The following UBL3 variants were observed in gnomAD, a reference collection of about 807,000 sequenced individuals.
The protein encoded by UBL3 is ubiquitin-like protein 3.
Under a neutral mutation model 18.4 loss-of-function variants are expected in UBL3, and 6 were observed. That is an observed-to-expected ratio of 0.33 (90% CI 0.18 to 0.64). The LOEUF is 0.64. UBL3 is among the 30% of genes least tolerant of loss of function. The pLI, the probability that UBL3 is intolerant of heterozygous loss-of-function variation, is 0.76. For synonymous variants in UBL3, 49 were observed against 46.6 expected (o/e 1.05, Z -0.21); for missense variants, 109 against 142.9 (o/e 0.76, Z 1.21).
At chr13:29,784,471 G>C (rs1483432358) in intron 1 of UBL3, among the ~76,000 whole-genome samples, 1 of 151,804 alleles carries the variant, frequency 6.6e-6, no homozygotes, top group Non-Finnish European at 1.5e-5. Flanking sequence ...AGCACCCTTT[G>C]CCTTTCTACT....
intron 1 of UBL3, among the ~76,000 whole-genome samples, chr13:29,842,743 A>AT (rs11450824): frequency 0.14 from 20,764 of 152,174 alleles, 1,622 homozygotes; most frequent in Non-Finnish European, 0.18. Flanking sequence ...GTTATGTGTA[A>AT]TTTTTTTATC....
At chr13:29,777,298 T>TA (rs1158642663) in intron 1 of UBL3, 35 bp from the exon 2 acceptor site, 1 of 1,537,886 alleles carries the variant, frequency 6.5e-7, no homozygotes, top group Admixed American at 2.0e-5. Context: ...AACATAAATC[T>TA]AAAAATTTTT....
chr13:29,783,381 T>C (rs1170873849), intron 1 of UBL3, among the ~76,000 whole-genome samples: 1 of 152,220 alleles, frequency 6.6e-6, no homozygotes, highest in East Asian at 1.9e-4. Context: ...GGGCCTATGC[T>C]TATATCTATG....
chr13:29,809,240 A>C (rs1246615130), intron 1 of UBL3, among the ~76,000 whole-genome samples: 1 of 152,136 alleles, frequency 6.6e-6, no homozygotes, highest in Admixed American at 6.6e-5. Flanking sequence ...GAACCTGGGG[A>C]GAGGGAGCTT....
chr13:29,788,905 G>A (rs1391681374), intron 1 of UBL3, among the ~76,000 whole-genome samples: 3 of 132,252 alleles, frequency 2.3e-5, no homozygotes, highest in Non-Finnish European at 4.9e-5. Flanking sequence ...GTGTGCGTGT[G>A]TGTGTGTGTT....
chr13:29,769,054 A>T (rs769683336), intron 3 of UBL3, among the ~76,000 whole-genome samples: 4 of 152,096 alleles, frequency 2.6e-5, no homozygotes, highest in Non-Finnish European at 4.4e-5. Context: ...AACTGGAGAT[A>T]CTAATTCCAT....
At chr13:29,825,834 G>C (rs1467787906) in intron 1 of UBL3, among the ~76,000 whole-genome samples, 2 of 152,170 alleles carry the variant, frequency 1.3e-5, no homozygotes, top group African/African-American at 2.4e-5. Context: ...CTGTGGGTTT[G>C]TCATAGATAG....
At chr13:29,829,351 T>C (rs1411311381) in intron 1 of UBL3, among the ~76,000 whole-genome samples, 1 of 152,166 alleles carries the variant, frequency 6.6e-6, no homozygotes, top group Non-Finnish European at 1.5e-5. Flanking sequence ...TTCAAGCTTC[T>C]AGGCCGCTTT....
intron 1 of UBL3, among the ~76,000 whole-genome samples, chr13:29,843,927 G>A (rs1203645296): frequency 3.9e-5 from 6 of 152,146 alleles, no homozygotes; most frequent in Non-Finnish European, 2.9e-5. Flanking sequence ...TCACGGATAA[G>A]AACAGCATAT....
Position 29,849,605 on chromosome 13 carries a change from T to C in UBL3, c.-67A>G. ...AACAAAGAAAAAAGAGCAGAAGTCTTCACGTTACAGAAATAAACCACGATT... is the reference window on the plus strand; with the variant it reads ...AACAAAGAAAAAAGAGCAGAAGTCTCCACGTTACAGAAATAAACCACGATT... On this transcript the variant is annotated 5_prime_UTR_variant, in exon 1 of 5. Coordinates refer to ENST00000380680, the MANE Select transcript of UBL3 (RefSeq NM_007106.4). The C allele has an allele frequency of 6.3e-7, 1 of 1,594,452 alleles. No homozygotes were observed. Among genetic ancestry groups the C allele is most frequent in the Non-Finnish European group, 8.6e-7 (1 of 1,167,046 alleles).
At chr13:29,838,109 C>T (rs73157164) in intron 1 of UBL3, among the ~76,000 whole-genome samples, 1 of 150,160 alleles carries the variant, frequency 6.7e-6, no homozygotes, top group South Asian at 2.1e-4. Flanking sequence ...TTTAAAACAG[C>T]CAAAGGAAAA....
At chr13:29,805,389 C>T (rs1877874527) in intron 1 of UBL3, among the ~76,000 whole-genome samples, 1 of 152,252 alleles carries the variant, frequency 6.6e-6, no homozygotes, top group South Asian at 2.1e-4. Flanking sequence ...TCAAAATCAC[C>T]TAGGGAGCTT....
chr13:29,775,865 T>A (rs1426764269), intron 2 of UBL3, among the ~76,000 whole-genome samples: 1 of 151,940 alleles, frequency 6.6e-6, no homozygotes, highest in African/African-American at 2.4e-5. Context: ...GATCTGCCTG[T>A]CTCAGCCTCC....
At position 29,765,584 on chromosome 13, in the gene UBL3, T is replaced by A. The variant is rs1876655110; in HGVS notation, c.*1671A>T. The A allele has an allele frequency of 6.6e-6, 1 of 152,524 alleles. No individual in the cohort carries two copies. Among genetic ancestry groups the A allele is most frequent in the Non-Finnish European group, 1.5e-5 (1 of 67,974 alleles). 9.4% of individuals were successfully genotyped at this position (152,524 alleles called of 1,614,324 possible). Reference sequence around the variant, plus strand: ...GGTGCTTAAACAATTATTGACCTAATCAAGACCTTTAAAATTACCACCAAA... The same window carrying A: ...GGTGCTTAAACAATTATTGACCTAAACAAGACCTTTAAAATTACCACCAAA... On this transcript the variant is annotated 3_prime_UTR_variant, in exon 5 of 5. Transcript: ENST00000380680.
At chr13:29,804,504 GA>G (rs1307054850) in intron 1 of UBL3, among the ~76,000 whole-genome samples, 1 of 151,938 alleles carries the variant, frequency 6.6e-6, no homozygotes, top group Non-Finnish European at 1.5e-5. Flanking sequence ...ACTGAGATGT[GA>G]AAAACCATAC....
intron 1 of UBL3, among the ~76,000 whole-genome samples, chr13:29,788,896 TGTGC>T (rs1295955162): frequency 1.3e-3 from 21 of 16,562 alleles, no homozygotes; most frequent in African/African-American, 3.5e-3. Context: ...CGCGCACGTG[TGTGC>T]GTGTGTGTGT....
At chr13:29,778,951 G>T (rs377475215) in intron 1 of UBL3, among the ~76,000 whole-genome samples, 97 of 152,212 alleles carry the variant, frequency 6.4e-4, no homozygotes, top group African/African-American at 2.3e-3. Context: ...CTACATTCCA[G>T]GTGAAAAACC....
intron 1 of UBL3, among the ~76,000 whole-genome samples, chr13:29,817,723 A>G (rs1878321950): frequency 6.6e-6 from 1 of 152,174 alleles, no homozygotes; most frequent in South Asian, 2.1e-4. Flanking sequence ...TCACATGTAC[A>G]TGTGTGCATG....
chr13:29,840,899 A>G (rs1317118160), intron 1 of UBL3, among the ~76,000 whole-genome samples: 1 of 152,200 alleles, frequency 6.6e-6, no homozygotes, highest in Non-Finnish European at 1.5e-5. Context: ...TTCTATACTT[A>G]TTTGCATAGA....
Sources: allele counts gnomAD v4.1 joint callset (sites outside exome capture counted in the v4.1 genomes callset), GRCh38; gene constraint gnomAD v4.1.1; transcripts MANE v1.5; gene names NCBI Gene and HGNC (gene_info 2026-07-23, HGNC 2026-07-21).